The following PRKG1 variants were observed in gnomAD, a reference collection of about 807,000 sequenced individuals.
PRKG1 encodes the protein cGMP-dependent protein kinase 1.
PRKG1 carries 35 observed loss-of-function variants against 88.1 expected under a neutral mutation model. That is an observed-to-expected ratio of 0.40 (90% CI 0.30 to 0.53). The LOEUF is 0.53. Ranked by LOEUF, PRKG1 falls within the 20% of genes least tolerant of loss-of-function variation. The probability of loss-of-function intolerance (pLI) is 0.59; values close to 1 mark genes in which losing one functional copy is unlikely to be tolerated. For missense variants in PRKG1, 540 were observed against 839.8 expected, an observed-to-expected ratio of 0.64 and a Z score of 4.41; for synonymous variants, 303 against 292.5, an observed-to-expected ratio of 1.04 and a Z score of -0.37.
intron 7 of PRKG1, among the ~76,000 whole-genome samples, chr10:52,092,111 TCCA>T (rs1178916577): frequency 1.3e-5 from 2 of 152,114 alleles, no homozygotes; most frequent in Non-Finnish European, 2.9e-5. Flanking sequence ...GTAGATTATC[TCCA>T]TTGTTCTTCA....
chr10:51,234,472 A>G (rs1006123797), intron 2 of PRKG1, among the ~76,000 whole-genome samples: 2 of 152,174 alleles, frequency 1.3e-5, no homozygotes, highest in African/African-American at 4.8e-5. Context: ...TTAAGGCAAA[A>G]ATAAACCAAT....
intron 3 of PRKG1, among the ~76,000 whole-genome samples, chr10:51,540,710 T>A (rs943580824): frequency 1.3e-5 from 2 of 152,030 alleles, no homozygotes; most frequent in African/African-American, 4.8e-5. Context: ...AGTATAGTAG[T>A]TTTTTTGTTT....
intron 2 of PRKG1, among the ~76,000 whole-genome samples, chr10:51,195,068 A>G (rs138480852): frequency 1.7e-4 from 26 of 152,354 alleles, no homozygotes; most frequent in Admixed American, 4.6e-4. Context: ...AACCAATGCC[A>G]TACATGTTTG....
chr10:51,626,213 C>T (rs1283621307), intron 3 of PRKG1, among the ~76,000 whole-genome samples: 1 of 152,110 alleles, frequency 6.6e-6, no homozygotes, highest in Non-Finnish European at 1.5e-5. Context: ...GCAGAAATCC[C>T]CGTGAAAACT....
At chr10:51,854,795 C>A (rs985759233) in intron 4 of PRKG1, among the ~76,000 whole-genome samples, 1 of 152,004 alleles carries the variant, frequency 6.6e-6, no homozygotes, top group East Asian at 1.9e-4. Flanking sequence ...TTTAAAAAAT[C>A]ATTTTGGTAC....
intron 2 of PRKG1, among the ~76,000 whole-genome samples, chr10:51,301,093 A>G (rs1472011225): frequency 6.6e-6 from 1 of 152,208 alleles, no homozygotes; most frequent in African/African-American, 2.4e-5. Flanking sequence ...GAAATCTGAC[A>G]GGGAGAAACA....
intron 9 of PRKG1, among the ~76,000 whole-genome samples, chr10:52,227,517 T>TTTA (rs1185879114): frequency 1.8e-4 from 27 of 152,132 alleles, no homozygotes; most frequent in African/African-American, 5.8e-4. Context: ...CTAGAGATAA[T>TTTA]TTAAAGTGTA....
chr10:51,589,149 C>A (rs1365365503), intron 3 of PRKG1, among the ~76,000 whole-genome samples: 1 of 152,056 alleles, frequency 6.6e-6, no homozygotes, highest in African/African-American at 2.4e-5. Context: ...GAACTAGGTG[C>A]CCTATCAACT....
chr10:51,205,415 G>C (rs112264703), intron 2 of PRKG1, among the ~76,000 whole-genome samples: 2,524 of 151,514 alleles, frequency 0.017, 33 homozygotes, highest in Middle Eastern at 0.045. Flanking sequence ...GGGATTACAT[G>C]TGTGACCCAC....
chr10:51,628,965 C>CAAAAAAA (rs199634329), intron 3 of PRKG1, among the ~76,000 whole-genome samples: 3 of 98,420 alleles, frequency 3.0e-5, no homozygotes, highest in South Asian at 8.1e-4. Flanking sequence ...GACTCCGTCT[C>CAAAAAAA]AAAAAAAAAA....
chr10:52,162,119 C>T (rs560763926), intron 9 of PRKG1, among the ~76,000 whole-genome samples, 156 bp downstream of exon 9: 8 of 152,204 alleles, frequency 5.3e-5, no homozygotes, highest in East Asian at 3.9e-4. Context: ...AATTATTACA[C>T]GGTATGCTTA....
chr10:50,999,986 T>C (rs1842872728), intron 1 of PRKG1, among the ~76,000 whole-genome samples: 1 of 152,184 alleles, frequency 6.6e-6, no homozygotes, highest in Non-Finnish European at 1.5e-5. Context: ...CTAGAACGTA[T>C]TAAAAAACAA....
intron 2 of PRKG1, among the ~76,000 whole-genome samples, chr10:51,185,580 T>C (rs1437986606): frequency 2.0e-5 from 3 of 152,058 alleles, no homozygotes; most frequent in African/African-American, 7.2e-5. Context: ...TATTTTGTTT[T>C]GTAACCTTTG....
chr10:51,143,820 T>G (rs1845878515), intron 1 of PRKG1, among the ~76,000 whole-genome samples: 1 of 152,070 alleles, frequency 6.6e-6, no homozygotes, highest in Admixed American at 6.6e-5. Context: ...TTGGGTTATT[T>G]GGGTTTTTTT....
intron 2 of PRKG1, among the ~76,000 whole-genome samples, chr10:51,453,425 C>A (rs1322315593): frequency 6.6e-6 from 1 of 151,950 alleles, no homozygotes; most frequent in Non-Finnish European, 1.5e-5. Context: ...TGTGCTCTTT[C>A]AGACTTTTTA....
chr10:51,834,818 G>A (rs993543500), intron 4 of PRKG1, among the ~76,000 whole-genome samples: 9 of 151,990 alleles, frequency 5.9e-5, no homozygotes, highest in African/African-American at 1.9e-4. Flanking sequence ...GAGTCTATGG[G>A]GGTACGTCCA....
chr10:51,295,532 T>C (rs1840697396), intron 2 of PRKG1, among the ~76,000 whole-genome samples: 1 of 152,154 alleles, frequency 6.6e-6, no homozygotes, highest in South Asian at 2.1e-4. Context: ...TTTTCTTTTT[T>C]TGTAGTCTAT....
chr10:52,232,333 A>C (rs937391792), intron 9 of PRKG1, among the ~76,000 whole-genome samples: 1 of 152,110 alleles, frequency 6.6e-6, no homozygotes, highest in Non-Finnish European at 1.5e-5. Flanking sequence ...CAAAAAACAA[A>C]AAAAAAAGAA....
intron 3 of PRKG1, among the ~76,000 whole-genome samples, chr10:51,691,750 A>G (rs547099639): frequency 2.8e-4 from 42 of 152,352 alleles, no homozygotes; most frequent in Middle Eastern, 3.4e-3. Context: ...CTTGTGGCCA[A>G]ATTGGAGAAT....
Sources: allele counts gnomAD v4.1 joint callset (sites outside exome capture counted in the v4.1 genomes callset), GRCh38; gene constraint gnomAD v4.1.1; transcripts MANE v1.5; gene names NCBI Gene and HGNC (gene_info 2026-07-23, HGNC 2026-07-21).